The following TTI1 variants were observed in gnomAD, a reference collection of about 807,000 sequenced individuals.
TTI1 encodes TELO2 interacting protein 1.
Under a neutral mutation model 85.4 loss-of-function variants are expected in TTI1, and 52 were observed. That is an observed-to-expected ratio of 0.61 (90% CI 0.49 to 0.77). The LOEUF (loss-of-function observed/expected upper bound fraction) is 0.77, where lower values mean the gene tolerates loss of function less well. Among genes scored for constraint, TTI1 ranks in the 30% least tolerant of loss-of-function variants. The pLI is 0.00. For synonymous variants in TTI1, 512 were observed against 503.9 expected (o/e 1.02, Z -0.22); for missense variants, 1,173 against 1,296.0 (o/e 0.91, Z 1.46).
chr20:38,027,121 CAGAA>C (rs934477334), intron 1 of TTI1, among the ~76,000 whole-genome samples: 1 of 152,098 alleles, frequency 6.6e-6, no homozygotes, highest in African/African-American at 2.4e-5. Context: ...AGAGAATAAA[CAGAA>C]AGAAACAAAA....
At chr20:37,996,699 T>C (rs1469325731) in intron 6 of TTI1, 50 bp downstream of exon 6, 2 of 1,561,734 alleles carry the variant, frequency 1.3e-6, no homozygotes, top group Non-Finnish European at 1.7e-6. Flanking sequence ...ATGGCAGGGG[T>C]GAGACAGATG....
In TTI1 at chr20:38,017,550, G is replaced by A. The variant is rs142866853; in HGVS notation, c.-41-3693C>T. Reference sequence around the variant, plus strand: ...GGGAAAGAGAAACCACAATGCTTTCGATGGTCACCTGGGGCTGGACAGACA... The same window carrying A: ...GGGAAAGAGAAACCACAATGCTTTCAATGGTCACCTGGGGCTGGACAGACA... On this transcript the variant is annotated intron_variant, in intron 1 of 7. Coordinates refer to ENST00000373447, the MANE Select transcript of TTI1 (RefSeq NM_001303457.2). Among the ~76,000 whole-genome samples, 1,040 of 152,172 alleles carry A rather than the reference G, an allele frequency of 6.8e-3. 5 individuals carry two copies. Among genetic ancestry groups the A allele is most frequent in the African/African-American group, 0.02 (823 of 41,498 alleles).
chr20:37,996,690 T>C, intron 6 of TTI1, 59 bp downstream of exon 6: 1 of 1,551,928 alleles, frequency 6.4e-7, no homozygotes, highest in Non-Finnish European at 8.8e-7. Context: ...GAGGGCATGA[T>C]GGCAGGGGTG....
chr20:37,992,267 C>T (rs777210473), intron 7 of TTI1, among the ~76,000 whole-genome samples: 1 of 152,066 alleles, frequency 6.6e-6, no homozygotes, highest in Non-Finnish European at 1.5e-5. Flanking sequence ...TTGTTGGGCA[C>T]TGACTTCATC....
intron 7 of TTI1, among the ~76,000 whole-genome samples, chr20:37,993,984 T>C (rs1600608662): frequency 6.6e-6 from 1 of 152,200 alleles, no homozygotes; most frequent in East Asian, 1.9e-4. Context: ...AGGTGTCGTT[T>C]TGAGAGCAAT....
chr20:38,030,986 A>G (rs541320738), intron 1 of TTI1, among the ~76,000 whole-genome samples: 1 of 152,328 alleles, frequency 6.6e-6, no homozygotes, highest in East Asian at 1.9e-4. Flanking sequence ...CTCAACTCTC[A>G]TATGTCTTTC....
intron 1 of TTI1, among the ~76,000 whole-genome samples, chr20:38,027,182 A>G (rs1050383476): frequency 6.6e-6 from 1 of 152,228 alleles, no homozygotes; most frequent in Non-Finnish European, 1.5e-5. Context: ...CAAGACTTCC[A>G]TGGATACCAA....
At chr20:38,006,960 AT>A (rs937925108) in intron 2 of TTI1, among the ~76,000 whole-genome samples, 4 of 152,192 alleles carry the variant, frequency 2.6e-5, no homozygotes, top group African/African-American at 9.7e-5. Context: ...AACTGCAATC[AT>A]TTTTGTATGA....
chr20:38,020,321 AAAATATATATATATATATAT>A (rs2073748533), intron 1 of TTI1, among the ~76,000 whole-genome samples: 1 of 42,730 alleles, frequency 2.3e-5, no homozygotes, highest in African/African-American at 1.3e-4. Context: ...AAAAAAAAAA[AAAATATATATATATATATAT>A]ATATATATAT....
In TTI1 at chr20:38,002,728, T is replaced by A. The variant is rs1330678982; in HGVS notation, c.2552A>T (p.Asp851Val). ...PKVDENDTRP[D>V]VEPPLPLQIQ... ...CTGCAATGGCAGTGGTGGCTCCACA[T>A]CTGGACGGGTGTCATTCTCATCCAC... The change falls in exon 4 of 8, where the codon GAT (aspartate) becomes GTT (valine). Residue 851 changes from aspartate to valine, a missense_variant. By Grantham distance (152) the Asp-to-Val change is radical. Transcript: ENST00000373447. 2 of 1,614,242 alleles carry A rather than the reference T, an allele frequency of 1.2e-6. No homozygotes were observed. Among genetic ancestry groups the A allele is most frequent in the South Asian group, 2.2e-5 (2 of 91,088 alleles).
intron 1 of TTI1, among the ~76,000 whole-genome samples, chr20:38,027,164 A>C (rs1408712427): frequency 1.3e-5 from 2 of 152,218 alleles, no homozygotes; most frequent in African/African-American, 4.8e-5. Flanking sequence ...TTCACCAGGG[A>C]CTGGTTCCAA....
At chr20:38,026,269 C>T (rs1600657422) in intron 1 of TTI1, among the ~76,000 whole-genome samples, 1 of 152,232 alleles carries the variant, frequency 6.6e-6, no homozygotes. Context: ...AAATGATTCT[C>T]CTGCCTCAGC....
At chr20:37,999,392 C>A in intron 4 of TTI1, 64 bp from the exon 5 acceptor site, 2 of 1,329,168 alleles carry the variant, frequency 1.5e-6, no homozygotes, top group Non-Finnish European at 1.9e-6. Flanking sequence ...GATCAAGTCA[C>A]CATTTTCAAA....
intron 5 of TTI1, among the ~76,000 whole-genome samples, 170 bp from the exon 6 acceptor site, chr20:37,997,123 T>C (rs1175941458): frequency 6.6e-6 from 1 of 152,078 alleles, no homozygotes; most frequent in Non-Finnish European, 1.5e-5. Context: ...GTTATGAATT[T>C]GGAGGTCTCT....
Position 38,033,438 on chromosome 20 carries a change from C to T in TTI1, c.-76G>A, listed in dbSNP as rs1265135754. 1.3e-5 allele frequency: 2 copies of T among 154,796 alleles called. No individual in the cohort carries two copies. Among genetic ancestry groups the T allele is most frequent in the Admixed American group, 6.4e-5 (1 of 15,626 alleles). The allele number at this position is 154,796 out of a possible 1,614,324, so 9.6% of individuals were successfully genotyped here. Reference sequence around the variant, plus strand: ...CAGCCTTTCTCTCACTCTCCCGCCTCCTCTGCCTCGCCGGAAGTGACGCGC... The same window carrying T: ...CAGCCTTTCTCTCACTCTCCCGCCTTCTCTGCCTCGCCGGAAGTGACGCGC... On this transcript the variant is annotated 5_prime_UTR_variant, in exon 1 of 8. Coordinates refer to ENST00000373447, the MANE Select transcript of TTI1 (RefSeq NM_001303457.2).
intron 1 of TTI1, among the ~76,000 whole-genome samples, chr20:38,024,559 AC>A (rs1345054791): frequency 6.6e-6 from 1 of 152,102 alleles, no homozygotes; most frequent in Non-Finnish European, 1.5e-5. Flanking sequence ...AAAAACCCCA[AC>A]AAAAACCTGC....
chr20:38,019,331 C>T (rs1467072199), intron 1 of TTI1, among the ~76,000 whole-genome samples: 1 of 151,872 alleles, frequency 6.6e-6, no homozygotes, highest in Non-Finnish European at 1.5e-5. Flanking sequence ...ATTAACTGTA[C>T]AAAACAATAA....
chr20:38,032,647 C>T (rs1440691687), intron 1 of TTI1, among the ~76,000 whole-genome samples: 6 of 152,164 alleles, frequency 3.9e-5, no homozygotes, highest in Admixed American at 2.0e-4. Context: ...TGCAGTGGCA[C>T]GATCATAGCT....
rs140966538 is a variant in TTI1 at position 38,008,311 on chromosome 20, G to T, written c.2303-1914C>A. On this transcript the variant is annotated intron_variant, in intron 2 of 7. Transcript: ENST00000373447. ...TAATATACTGAGACATGTCCAAAAT[G>T]ACCTACAAAGATATTCAATGCAGCA... Among the ~76,000 whole-genome samples the T allele has an allele frequency of 7.9e-3, 1,196 of 152,128 alleles. 5 individuals carry two copies. Among genetic ancestry groups the T allele is most frequent in the African/African-American group, 0.022 (931 of 41,486 alleles).
Sources: allele counts gnomAD v4.1 joint callset (sites outside exome capture counted in the v4.1 genomes callset), GRCh38; gene constraint gnomAD v4.1.1; transcripts MANE v1.5; gene names NCBI Gene and HGNC (gene_info 2026-07-23, HGNC 2026-07-21).